The following PELI2 variants were observed in gnomAD, a reference collection of about 807,000 sequenced individuals.
PELI2 encodes the protein pellino E3 ubiquitin protein ligase family member 2, also known as E3 ubiquitin-protein ligase pellino homolog 2.
Under a neutral mutation model 42.3 loss-of-function variants are expected in PELI2, and 23 were observed. That is an observed-to-expected ratio of 0.54 (90% CI 0.39 to 0.77). The LOEUF (loss-of-function observed/expected upper bound fraction) is 0.77, where lower values mean the gene tolerates loss of function less well. PELI2 is among the 30% of genes least tolerant of loss of function. The pLI is 0.00. For synonymous variants in PELI2, 245 were observed against 212.2 expected (o/e 1.15, Z -1.34); for missense variants, 463 against 553.2 (o/e 0.84, Z 1.64).
intron 2 of PELI2, among the ~76,000 whole-genome samples, chr14:56,269,157 T>C (rs930402673): frequency 6.6e-6 from 1 of 152,130 alleles, no homozygotes; most frequent in Non-Finnish European, 1.5e-5. Flanking sequence ...AAGAATTGAT[T>C]GGGTTAGGTG....
At chr14:56,226,645 A>G (rs540214281) in intron 2 of PELI2, among the ~76,000 whole-genome samples, 1 of 152,308 alleles carries the variant, frequency 6.6e-6, no homozygotes, top group African/African-American at 2.4e-5. Context: ...ATGCCATGGC[A>G]CTTGTGTTAA....
intron 2 of PELI2, among the ~76,000 whole-genome samples, chr14:56,225,284 G>A (rs1284255524): frequency 2.0e-5 from 3 of 152,128 alleles, no homozygotes; most frequent in Non-Finnish European, 4.4e-5. Flanking sequence ...GTGTTGGAGC[G>A]AGGCAGAGGC....
At chr14:56,246,845 T>C (rs567785997) in intron 2 of PELI2, among the ~76,000 whole-genome samples, 1 of 152,354 alleles carries the variant, frequency 6.6e-6, no homozygotes, top group Admixed American at 6.5e-5. Context: ...ATTTTTCTCA[T>C]ACTTACTATC....
At chr14:56,154,308 T>G (rs932173866) in intron 1 of PELI2, among the ~76,000 whole-genome samples, 2 of 152,232 alleles carry the variant, frequency 1.3e-5, no homozygotes, top group African/African-American at 4.8e-5. Flanking sequence ...TATTTGAACA[T>G]TGATGTGGTT....
chr14:56,286,701 T>C lies in PELI2; in HGVS notation c.310-1736T>C, dbSNP rs544796619. 2.0e-5 allele frequency among the ~76,000 whole-genome samples: 3 copies of C among 152,320 alleles called. No homozygotes were observed. In the South Asian group the frequency reaches 6.2e-4, roughly 32 times the overall value. On this transcript the variant is annotated intron_variant, in intron 3 of 5. Transcript: ENST00000267460. The stretch of plus-strand genomic sequence containing the variant: ...GCTGCAAGTTTTCCACATTGAGTGA[T>C]TTTTCAGCAGGAAAGTGACTTAGTT...
chr14:56,224,344 T>C (rs1381809565), intron 2 of PELI2, among the ~76,000 whole-genome samples: 1 of 152,220 alleles, frequency 6.6e-6, no homozygotes, highest in African/African-American at 2.4e-5. Context: ...GAATCTCATA[T>C]CCCACCTGGT....
rs541899695 is a variant in PELI2 at position 56,261,815 on chromosome 14, A to G, written c.208-17861A>G. On this transcript the variant is annotated intron_variant, in intron 2 of 5. Transcript: ENST00000267460. ...TAAGGTGTATATATTTATCTTATAA[A>G]TCTGTTGTGAGTTTCTTATTTGTTA... 3.9e-5 allele frequency among the ~76,000 whole-genome samples: 6 copies of G among 152,330 alleles called. No individual in the cohort carries two copies. In the East Asian group the frequency reaches 9.6e-4, roughly 24 times the overall value.
rs950737804 is a variant in PELI2, at chr14:56,297,912, C to T, written c.*746C>T. The stretch of plus-strand genomic sequence containing the variant: ...ATGATTTGCCCCGATACTCATCTTG[C>T]ACGGCCAGAACTGTTTGGTTGATTA... On this transcript the variant is annotated 3_prime_UTR_variant, in exon 6 of 6. Transcript: ENST00000267460. The T allele has an allele frequency of 6.6e-6, 1 of 152,048 alleles. No individual in the cohort carries two copies. Among genetic ancestry groups the T allele is most frequent in the African/African-American group, 2.4e-5 (1 of 41,406 alleles). 9.4% of individuals were successfully genotyped at this position (152,048 alleles called of 1,614,324 possible).
intron 2 of PELI2, among the ~76,000 whole-genome samples, chr14:56,255,105 A>G (rs1387998177): frequency 6.6e-6 from 1 of 152,224 alleles, no homozygotes. Flanking sequence ...AGAATCAGAA[A>G]TACCATTTGA....
chr14:56,201,131 G>GA (rs11453240), intron 2 of PELI2, among the ~76,000 whole-genome samples: 61,268 of 152,054 alleles, frequency 0.4, 13,046 homozygotes, highest in South Asian at 0.53. Context: ...CCAGATAAAT[G>GA]TTCACTGTCT....
chr14:56,169,360 G>A (rs1385174448), intron 1 of PELI2, among the ~76,000 whole-genome samples: 2 of 152,222 alleles, frequency 1.3e-5, no homozygotes, highest in Non-Finnish European at 2.9e-5. Flanking sequence ...GGTTTGCGGG[G>A]ACTCAAGTTC....
chr14:56,290,821 A>G (rs1043873963), intron 5 of PELI2, among the ~76,000 whole-genome samples: 5 of 152,238 alleles, frequency 3.3e-5, no homozygotes, highest in Admixed American at 1.3e-4. Flanking sequence ...TCCAAAAACA[A>G]TTAGTAAAAA....
chr14:56,140,180 T>G (rs1299872811), intron 1 of PELI2, among the ~76,000 whole-genome samples: 1 of 152,056 alleles, frequency 6.6e-6, no homozygotes, highest in Non-Finnish European at 1.5e-5. Context: ...ATCTGAAAGG[T>G]TTATAATTTT....
At chr14:56,278,621 A>T (rs242595) in intron 2 of PELI2, among the ~76,000 whole-genome samples, 85,337 of 151,946 alleles carry the variant, frequency 0.56, 24,350 homozygotes, top group African/African-American at 0.62. Context: ...CCATGAGATT[A>T]ACCAGGCTAA....
At chr14:56,192,242 G>A (rs754592468) in intron 2 of PELI2, among the ~76,000 whole-genome samples, 6 of 152,138 alleles carry the variant, frequency 3.9e-5, no homozygotes, top group African/African-American at 7.2e-5. Context: ...GAAATTTCTT[G>A]CATTTTGTCT....
intron 1 of PELI2, among the ~76,000 whole-genome samples, chr14:56,153,595 A>AC (rs1427616638): frequency 2.6e-5 from 4 of 152,218 alleles, no homozygotes; most frequent in Non-Finnish European, 5.9e-5. Flanking sequence ...ATGAGTTAAA[A>AC]ATTTGACTAA....
chr14:56,192,741 A>G (rs1054768688), intron 2 of PELI2, among the ~76,000 whole-genome samples: 3 of 152,234 alleles, frequency 2.0e-5, no homozygotes, highest in Admixed American at 6.5e-5. Flanking sequence ...TACTCAACTC[A>G]TAGATTAGAA....
At chr14:56,291,501 A>C (rs923254978) in intron 5 of PELI2, among the ~76,000 whole-genome samples, 2 of 152,242 alleles carry the variant, frequency 1.3e-5, no homozygotes, top group Non-Finnish European at 2.9e-5. Flanking sequence ...CTGAATAAAT[A>C]TGAGAAGCAT....
intron 1 of PELI2, among the ~76,000 whole-genome samples, chr14:56,161,229 T>C (rs1884752974): frequency 6.6e-6 from 1 of 152,126 alleles, no homozygotes. Flanking sequence ...CATTTATTTC[T>C]TTTTTTCCTG....
Sources: gnomAD v4.1 joint callset for allele counts (sites outside exome capture counted in the v4.1 genomes callset) on GRCh38, gnomAD v4.1.1 for gene constraint, MANE v1.5 for transcripts, NCBI Gene and HGNC (gene_info 2026-07-23, HGNC 2026-07-21) for gene names.